ROBO1: variants seen among roughly 807,000 people sequenced by gnomAD.
The protein encoded by ROBO1 is roundabout homolog 1.
Under a neutral mutation model 195.9 loss-of-function variants are expected in ROBO1, and 149 were observed. That is an observed-to-expected ratio of 0.76 (90% CI 0.67 to 0.87). ROBO1 has a LOEUF of 0.87. Ranked by LOEUF, ROBO1 falls within the 40% of genes least tolerant of loss-of-function variation. The pLI is 0.00. For synonymous variants in ROBO1, 816 were observed against 733.2 expected, an observed-to-expected ratio of 1.11 and a Z score of -1.82; for missense variants, 1,933 against 2,068.3, an observed-to-expected ratio of 0.93 and a Z score of 1.27.
intron 3 of ROBO1, among the ~76,000 whole-genome samples, chr3:79,090,996 C>CAGAA (rs1331026004): frequency 6.6e-6 from 1 of 152,002 alleles, no homozygotes; most frequent in Non-Finnish European, 1.5e-5. Context: ...GTTTAGATTT[C>CAGAA]AGAAAGAGTG....
At chr3:78,810,423 GAA>G (rs1006619396) in intron 4 of ROBO1, among the ~76,000 whole-genome samples, 3 of 151,138 alleles carry the variant, frequency 2.0e-5, no homozygotes, top group African/African-American at 7.3e-5. Context: ...GTATATTTTT[GAA>G]AAAAAATTCT....
At chr3:78,636,346 T>C (rs1705502046) in intron 22 of ROBO1, among the ~76,000 whole-genome samples, 1 of 152,178 alleles carries the variant, frequency 6.6e-6, no homozygotes, top group Non-Finnish European at 1.5e-5. Flanking sequence ...GAATTTCTGA[T>C]AGTGCTGAAG....
intron 1 of ROBO1, among the ~76,000 whole-genome samples, chr3:79,733,230 A>G (rs1703229947): frequency 6.6e-6 from 1 of 152,218 alleles, no homozygotes; most frequent in Admixed American, 6.5e-5. Flanking sequence ...TGCACAGATA[A>G]CAAGTGCCCA....
At chr3:79,116,658 C>T (rs754891953) in intron 3 of ROBO1, among the ~76,000 whole-genome samples, 20 of 151,618 alleles carry the variant, frequency 1.3e-4, no homozygotes, top group Non-Finnish European at 2.5e-4. Context: ...GTTGGGATTA[C>T]AGACACCCAC....
chr3:79,086,359 A>C (rs976971939), intron 3 of ROBO1, among the ~76,000 whole-genome samples: 1 of 152,194 alleles, frequency 6.6e-6, no homozygotes, highest in African/African-American at 2.4e-5. Context: ...GTCTTTTTAA[A>C]AAGTTTAACA....
intron 2 of ROBO1, among the ~76,000 whole-genome samples, chr3:79,254,533 G>A (rs1355887635): frequency 6.6e-6 from 1 of 151,950 alleles, no homozygotes; most frequent in African/African-American, 2.4e-5. Context: ...GGCTGCTGTG[G>A]CACAAATGGA....
chr3:79,718,505 C>A (rs1480395169), intron 1 of ROBO1, among the ~76,000 whole-genome samples: 1 of 151,942 alleles, frequency 6.6e-6, no homozygotes, highest in African/African-American at 2.4e-5. Context: ...TGTTTCCATT[C>A]TTTGATTTTT....
chr3:79,577,977 C>T (rs998093009), intron 2 of ROBO1, among the ~76,000 whole-genome samples: 1 of 151,776 alleles, frequency 6.6e-6, no homozygotes, highest in Non-Finnish European at 1.5e-5. Flanking sequence ...AGACAACCAA[C>T]CCCCCAAAAA....
chr3:78,863,620 T>C (rs1159263597), intron 4 of ROBO1, among the ~76,000 whole-genome samples: 1 of 152,238 alleles, frequency 6.6e-6, no homozygotes, highest in African/African-American at 2.4e-5. Flanking sequence ...TTATAGTTTC[T>C]TCATTTCAGG....
rs536629246 is a variant in ROBO1, at chr3:78,962,686, G to A, written c.173-23759C>T. The stretch of plus-strand genomic sequence containing the variant: ...TAAAAATACAAAAAATTAGCCAGGC[G>A]TGGTGGCGGCGCCTGTAGTCCCAGC... On this transcript the variant is annotated intron_variant, in intron 3 of 30. Coordinates refer to ENST00000464233, the MANE Select transcript of ROBO1 (RefSeq NM_002941.4). 2.1e-3 allele frequency among the ~76,000 whole-genome samples: 317 copies of A among 151,946 alleles called. 2 individuals carry two copies. The highest frequency in any genetic ancestry group is 3.3e-3 in the Admixed American group (50 of 15,262).
intron 1 of ROBO1, among the ~76,000 whole-genome samples, chr3:79,599,557 C>A (rs761308360): frequency 6.6e-6 from 1 of 151,836 alleles, no homozygotes; most frequent in Non-Finnish European, 1.5e-5. Flanking sequence ...AGTGTAGCTA[C>A]TATAATCATT....
At chr3:79,048,828 A>G (rs2108357965) in intron 3 of ROBO1, among the ~76,000 whole-genome samples, 1 of 152,294 alleles carries the variant, frequency 6.6e-6, no homozygotes, top group South Asian at 2.1e-4. Flanking sequence ...AGGAAAACTA[A>G]CAAACAGATA....
intron 1 of ROBO1, among the ~76,000 whole-genome samples, chr3:79,666,130 T>C (rs2106865650): frequency 6.6e-6 from 1 of 152,116 alleles, no homozygotes; most frequent in Admixed American, 6.6e-5. Context: ...GCCAATAATG[T>C]ACTCTACAAC....
At chr3:79,767,355 C>G (rs1705053837) in intron 1 of ROBO1, among the ~76,000 whole-genome samples, 1 of 152,110 alleles carries the variant, frequency 6.6e-6, no homozygotes, top group East Asian at 1.9e-4. Flanking sequence ...GCTGTGTGCC[C>G]CCAAGAAGCC....
intron 3 of ROBO1, among the ~76,000 whole-genome samples, chr3:79,016,519 A>G (rs1479135489): frequency 6.6e-6 from 1 of 152,196 alleles, no homozygotes; most frequent in Non-Finnish European, 1.5e-5. Flanking sequence ...TCAAATTGCA[A>G]TCCTCAGATA....
intron 4 of ROBO1, among the ~76,000 whole-genome samples, chr3:78,841,371 A>T (rs754077037): frequency 8.5e-5 from 13 of 152,182 alleles, no homozygotes; most frequent in Non-Finnish European, 1.5e-4. Flanking sequence ...AAGGAGGTTC[A>T]GTCAAATGTT....
At chr3:79,733,659 G>A (rs1703249866) in intron 1 of ROBO1, among the ~76,000 whole-genome samples, 1 of 152,142 alleles carries the variant, frequency 6.6e-6, no homozygotes, top group Non-Finnish European at 1.5e-5. Context: ...AGGTCTGGAT[G>A]TCAGTTTTTC....
intron 8 of ROBO1, among the ~76,000 whole-genome samples, chr3:78,703,776 T>C (rs140638908): frequency 9.3e-4 from 139 of 150,142 alleles, no homozygotes; most frequent in African/African-American, 3.0e-3. Context: ...ATCTACCCAA[T>C]ATATATAAAT....
intron 2 of ROBO1, among the ~76,000 whole-genome samples, chr3:79,218,477 G>A (rs922838489): frequency 3.9e-5 from 6 of 151,954 alleles, no homozygotes; most frequent in Non-Finnish European, 1.5e-5. Context: ...CTTTTGGATA[G>A]AGTCCAAAAT....
Sources: allele counts gnomAD v4.1 joint callset (sites outside exome capture counted in the v4.1 genomes callset), GRCh38; gene constraint gnomAD v4.1.1; transcripts MANE v1.5; gene names NCBI Gene and HGNC (gene_info 2026-07-23, HGNC 2026-07-21).